EIF4G3: variants seen among roughly 807,000 people sequenced by gnomAD.
EIF4G3 encodes eIF-4-gamma 3.
EIF4G3 carries 34 observed loss-of-function variants against 186.4 expected under a neutral mutation model. The ratio of observed to expected loss-of-function variants is 0.18; its 90% CI spans 0.14 to 0.24. The LOEUF is 0.24. EIF4G3 is among the 10% of genes least tolerant of loss of function. The pLI is 1.00. For synonymous variants in EIF4G3, 673 were observed against 679.5 expected (o/e 0.99, Z 0.15); for missense variants, 1,536 against 1,948.5 (o/e 0.79, Z 3.99).
At chr1:21,111,201 G>C in intron 2 of EIF4G3, 1 of 393,014 alleles carries the variant, frequency 2.5e-6, no homozygotes, top group Non-Finnish European at 5.2e-6. Context: ...AACAATTTCT[G>C]TTGCTTTTAG....
intron 12 of EIF4G3, among the ~76,000 whole-genome samples, chr1:20,965,237 G>T (rs1034977329): frequency 6.6e-6 from 1 of 152,082 alleles, no homozygotes; most frequent in Non-Finnish European, 1.5e-5. Flanking sequence ...TTGACCACCT[G>T]CCAAAAGCAA....
chr1:20,863,908 TAAG>T (rs762448960), intron 22 of EIF4G3, among the ~76,000 whole-genome samples: 14 of 152,220 alleles, frequency 9.2e-5, no homozygotes, highest in Non-Finnish European at 1.5e-5. Flanking sequence ...TTTACATAAA[TAAG>T]AAGTAAACCT....
intron 4 of EIF4G3, among the ~76,000 whole-genome samples, chr1:21,023,257 T>TC: frequency 6.3e-5 from 1 of 15,992 alleles, no homozygotes; most frequent in East Asian, 3.2e-3. Context: ...CCTCCCCCCC[T>TC]CCCCCTCCCT....
intron 14 of EIF4G3, among the ~76,000 whole-genome samples, chr1:20,916,595 T>C (rs1312388041): frequency 4.6e-5 from 7 of 151,862 alleles, no homozygotes; most frequent in Non-Finnish European, 7.4e-5. Context: ...GGAAAAAATA[T>C]AGAAAAAAAC....
chr1:21,023,345 T>C (rs977242395), intron 4 of EIF4G3, among the ~76,000 whole-genome samples: 4 of 143,848 alleles, frequency 2.8e-5, no homozygotes, highest in Admixed American at 2.1e-4. Flanking sequence ...ACTGCTGCCA[T>C]CTCGGCTCAC....
At chr1:20,915,629 T>C (rs990037201) in intron 14 of EIF4G3, among the ~76,000 whole-genome samples, 5 of 152,186 alleles carry the variant, frequency 3.3e-5, no homozygotes, top group Admixed American at 6.5e-5. Context: ...ACCATATGAT[T>C]TACTAACAAA....
intron 14 of EIF4G3, among the ~76,000 whole-genome samples, chr1:20,936,209 G>T (rs1364718749): frequency 1.3e-5 from 2 of 152,146 alleles, no homozygotes; most frequent in African/African-American, 4.8e-5. Flanking sequence ...TACTGGGGAG[G>T]GAAACAAGAA....
At position 21,078,533 on chromosome 1, in the gene EIF4G3, G is replaced by A. The variant is rs139791195; in HGVS notation, c.-196+10605C>T. On this transcript the variant is annotated intron_variant, in intron 3 of 36. Transcript: ENST00000602326. ...TTAAATAAAAGGAATAAGTTCTAGC[G>A]TTAGCAGAGTAGGGCAACTATAGTT... Among the ~76,000 whole-genome samples, 25 of 152,286 alleles carry A rather than the reference G, an allele frequency of 1.6e-4. No individual in the cohort carries two copies. The East Asian group carries it at 3.3e-3, about 20-fold the overall frequency.
chr1:20,807,194 C>T lies in EIF4G3; in HGVS notation c.*125G>A, dbSNP rs1047148439. On this transcript the variant is annotated 3_prime_UTR_variant, in exon 37 of 37. Coordinates refer to ENST00000602326, the MANE Select transcript of EIF4G3 (RefSeq NM_001391906.1). ...ACCTTTTTTTCTCTTTCCCCTCTCC[C>T]ACTCGTGCACACGTGGGGGTTTCTG... 8 of 743,450 alleles carry T rather than the reference C, an allele frequency of 1.1e-5. No homozygotes were observed. Among genetic ancestry groups the T allele is most frequent in the African/African-American group, 5.3e-5 (3 of 56,324 alleles). The allele number at this position is 743,450 out of a possible 1,614,324, so 46.1% of individuals were successfully genotyped here.
intron 2 of EIF4G3, among the ~76,000 whole-genome samples, chr1:21,170,459 T>A (rs2097938379): frequency 6.6e-6 from 1 of 151,904 alleles, no homozygotes; most frequent in African/African-American, 2.4e-5. Context: ...TCACTTGAGG[T>A]CAGGAGTTCG....
intron 4 of EIF4G3, among the ~76,000 whole-genome samples, chr1:21,042,625 C>T (rs1180814178): frequency 4.6e-5 from 7 of 152,090 alleles, no homozygotes; most frequent in Non-Finnish European, 7.3e-5. Flanking sequence ...AGCATGCTCC[C>T]GTCCACTACA....
In EIF4G3 at chr1:20,879,575, C is replaced by T. The variant is rs2081736618; in HGVS notation, c.2425-55G>A. 3.7e-6 allele frequency: 4 copies of T among 1,093,576 alleles called. No individual in the cohort carries two copies. The East Asian group carries it at 1.1e-4, about 31-fold the overall frequency. 67.7% of individuals were successfully genotyped at this position (1,093,576 alleles called of 1,614,324 possible). A position where few individuals can be genotyped will look rare whatever the true frequency, so the allele number is the denominator to read the frequency against. On this transcript the variant is annotated intron_variant, in intron 19 of 36. Coordinates refer to ENST00000602326, the MANE Select transcript of EIF4G3 (RefSeq NM_001391906.1). ...TTAGAGTAACTGTGACAATATGGTG[C>T]TTTCTGTAATGATTAATTTTAAAAA...
At chr1:21,016,144 A>G (rs1227780719) in intron 4 of EIF4G3, among the ~76,000 whole-genome samples, 1 of 152,240 alleles carries the variant, frequency 6.6e-6, no homozygotes, top group East Asian at 1.9e-4. Context: ...CATCAATAAC[A>G]AAGTTGGAGA....
chr1:20,929,322 C>G (rs2095160686), intron 14 of EIF4G3: 1 of 152,212 alleles, frequency 6.6e-6, no homozygotes, highest in Non-Finnish European at 1.5e-5. Flanking sequence ...TTACCAATCA[C>G]AGCAGAGGTC....
At chr1:21,078,522 T>G (rs2095659445) in intron 3 of EIF4G3, among the ~76,000 whole-genome samples, 2 of 152,192 alleles carry the variant, frequency 1.3e-5, no homozygotes, top group Admixed American at 1.3e-4. Flanking sequence ...ATAAAAGGAA[T>G]AAGTTCTAGC....
intron 30 of EIF4G3, among the ~76,000 whole-genome samples, chr1:20,836,096 C>A (rs779567498): frequency 6.6e-6 from 1 of 152,156 alleles, no homozygotes; most frequent in Non-Finnish European, 1.5e-5. Flanking sequence ...ATCCTCCTAC[C>A]TCAGCTTCCT....
chr1:21,118,865 C>T (rs2096876566), intron 2 of EIF4G3, among the ~76,000 whole-genome samples: 1 of 143,882 alleles, frequency 7.0e-6, no homozygotes, highest in Admixed American at 7.2e-5. Context: ...ATAGGTGCAC[C>T]AGGATCATAC....
At chr1:20,888,548 CTG>C (rs2084954534) in intron 18 of EIF4G3, among the ~76,000 whole-genome samples, 1 of 152,116 alleles carries the variant, frequency 6.6e-6, no homozygotes, top group Non-Finnish European at 1.5e-5. Context: ...GCCTGGAAAA[CTG>C]TGGTGTAGTG....
In EIF4G3 at chr1:21,058,253, A is replaced by G. The variant is rs148223928; in HGVS notation, c.-195-7259T>C. Reference sequence around the variant, plus strand: ...CAGAGATTAGGGACTATGGAAAACGATAAGAGAATGGCCACTCCCCAGAGG... The same window carrying G: ...CAGAGATTAGGGACTATGGAAAACGGTAAGAGAATGGCCACTCCCCAGAGG... On this transcript the variant is annotated intron_variant, in intron 3 of 36. Transcript: ENST00000602326. Among the ~76,000 whole-genome samples the G allele has an allele frequency of 1.8e-3, 278 of 152,278 alleles. 1 individual carries two copies. The highest frequency in any genetic ancestry group is 6.4e-3 in the African/African-American group (265 of 41,560).
Sources: gnomAD v4.1 joint callset for allele counts (sites outside exome capture counted in the v4.1 genomes callset) on GRCh38, gnomAD v4.1.1 for gene constraint, MANE v1.5 for transcripts, NCBI Gene and HGNC (gene_info 2026-07-23, HGNC 2026-07-21) for gene names.